Variants in AFF3 observed in about 807,000 individuals in gnomAD.
AFF3 encodes the protein ALF transcription elongation factor 3.
Under a neutral mutation model 129.7 loss-of-function variants are expected in AFF3, and 32 were observed. That is an observed-to-expected ratio of 0.25 (90% CI 0.19 to 0.33). The LOEUF is 0.33. Ranked by LOEUF, AFF3 falls within the 10% of genes least tolerant of loss-of-function variation. The pLI is 1.00. For missense variants in AFF3, 1,373 were observed against 1,592.0 expected (o/e 0.86, Z 2.34); for synonymous variants, 644 against 635.4 (o/e 1.01, Z -0.20).
intron 7 of AFF3, among the ~76,000 whole-genome samples, chr2:99,998,547 G>A (rs1461275224): frequency 4.6e-5 from 7 of 152,148 alleles, no homozygotes. Flanking sequence ...AGAAATAGCT[G>A]AATGCATACA....
intron 7 of AFF3, among the ~76,000 whole-genome samples, chr2:99,993,792 CTTTTTTTTTTTTTT>C (rs751882272): frequency 8.3e-5 from 6 of 72,546 alleles, no homozygotes; most frequent in Non-Finnish European, 1.5e-4. Flanking sequence ...AACACTTTAT[CTTTTTTTTTTTTTT>C]TTTTTTTTTT....
intron 12 of AFF3, among the ~76,000 whole-genome samples, chr2:99,656,455 G>A (rs1287176242): frequency 6.6e-6 from 1 of 152,176 alleles, no homozygotes; most frequent in Non-Finnish European, 1.5e-5. Context: ...AAACGCCCTT[G>A]CAGCCAATCT....
chr2:99,632,034 T>A (rs1157839493), intron 13 of AFF3, among the ~76,000 whole-genome samples: 1 of 147,848 alleles, frequency 6.8e-6, no homozygotes, highest in African/African-American at 2.5e-5. Flanking sequence ...TTTTTTTTTT[T>A]AGATAGAGTC....
chr2:99,569,441 T>G (rs1052132680), intron 18 of AFF3, among the ~76,000 whole-genome samples: 2 of 152,220 alleles, frequency 1.3e-5, no homozygotes, highest in African/African-American at 2.4e-5. Flanking sequence ...GAGGTAATGT[T>G]GGATGATTAC....
At chr2:99,672,616 A>T (rs952882368) in intron 11 of AFF3, 27 bp from the exon 12 acceptor site, 1 of 1,610,008 alleles carries the variant, frequency 6.2e-7, no homozygotes, top group African/African-American at 1.3e-5. Flanking sequence ...AGAGGTACAA[A>T]GAGGTACAGA....
chr2:99,953,400 C>A (rs753171772), intron 7 of AFF3, among the ~76,000 whole-genome samples: 1 of 152,148 alleles, frequency 6.6e-6, no homozygotes, highest in Non-Finnish European at 1.5e-5. Flanking sequence ...ACAGACTCAC[C>A]CCAACACTCA....
intron 7 of AFF3, among the ~76,000 whole-genome samples, chr2:99,920,542 T>C (rs1434379304): frequency 1.3e-5 from 2 of 152,066 alleles, no homozygotes; most frequent in Non-Finnish European, 1.5e-5. Flanking sequence ...AAACAAGGAA[T>C]AGCATTTTCT....
chr2:99,722,328 T>C (rs1024715521), intron 11 of AFF3, among the ~76,000 whole-genome samples: 3 of 152,254 alleles, frequency 2.0e-5, no homozygotes, highest in Non-Finnish European at 1.5e-5. Context: ...TAATGAACAC[T>C]GTAAATTTTG....
intron 7 of AFF3, among the ~76,000 whole-genome samples, chr2:99,992,592 T>G (rs1376163853): frequency 6.6e-6 from 1 of 152,216 alleles, no homozygotes; most frequent in African/African-American, 2.4e-5. Flanking sequence ...TAGAATGTTC[T>G]AAAACACTTG....
chr2:99,807,623 T>C (rs1686453605), intron 8 of AFF3, among the ~76,000 whole-genome samples: 1 of 152,210 alleles, frequency 6.6e-6, no homozygotes, highest in Non-Finnish European at 1.5e-5. Flanking sequence ...TGCCTTGACA[T>C]CTGGTAAAAT....
intron 13 of AFF3, among the ~76,000 whole-genome samples, chr2:99,634,118 T>C (rs2105421413): frequency 6.6e-6 from 1 of 152,246 alleles, no homozygotes; most frequent in African/African-American, 2.4e-5. Context: ...TTTCACCATG[T>C]TGGCCAGGCT....
At chr2:99,955,673 C>T (rs1676574677) in intron 7 of AFF3, among the ~76,000 whole-genome samples, 1 of 152,178 alleles carries the variant, frequency 6.6e-6, no homozygotes, top group African/African-American at 2.4e-5. Flanking sequence ...AAATAACATT[C>T]TGCAGAAAGA....
intron 20 of AFF3, among the ~76,000 whole-genome samples, chr2:99,563,124 G>C (rs1172465772): frequency 6.6e-6 from 1 of 152,102 alleles, no homozygotes; most frequent in Non-Finnish European, 1.5e-5. Flanking sequence ...GCCCTTCAGT[G>C]TCTCAGTAGG....
chr2:99,626,052 T>C (rs1575539329), intron 13 of AFF3, among the ~76,000 whole-genome samples: 3 of 152,348 alleles, frequency 2.0e-5, no homozygotes, highest in Admixed American at 2.0e-4. Context: ...GGGTCTTCAG[T>C]TCATCTGAGC....
At chr2:99,980,697 T>A (rs193118589) in intron 7 of AFF3, among the ~76,000 whole-genome samples, 1 of 152,260 alleles carries the variant, frequency 6.6e-6, no homozygotes, top group Admixed American at 6.5e-5. Context: ...TCAGTCACTG[T>A]ATTGTATTTA....
intron 7 of AFF3, among the ~76,000 whole-genome samples, chr2:100,000,670 T>C (rs1681315413): frequency 6.6e-6 from 1 of 152,208 alleles, no homozygotes; most frequent in Admixed American, 6.5e-5. Flanking sequence ...CTAAGCATAT[T>C]ACATACGTCT....
chr2:99,659,021 T>A (rs1685999695), intron 12 of AFF3, among the ~76,000 whole-genome samples: 1 of 152,258 alleles, frequency 6.6e-6, no homozygotes, highest in Non-Finnish European at 1.5e-5. Context: ...ATCCTTATTG[T>A]TGATCTTGGC....
At chr2:100,070,211 T>TA (rs11320849) in intron 4 of AFF3, among the ~76,000 whole-genome samples, 202 of 149,474 alleles carry the variant, frequency 1.4e-3, no homozygotes, top group Middle Eastern at 3.5e-3. Context: ...GGTGGTTTTA[T>TA]AAAAAAAAAA....
chr2:99,933,238 T>A (rs1674209274), intron 7 of AFF3, among the ~76,000 whole-genome samples: 1 of 152,140 alleles, frequency 6.6e-6, no homozygotes, highest in Non-Finnish European at 1.5e-5. Flanking sequence ...ATCAAAGACT[T>A]GGGGATTACT....
Sources: allele counts gnomAD v4.1 joint callset (sites outside exome capture counted in the v4.1 genomes callset), GRCh38; gene constraint gnomAD v4.1.1; transcripts MANE v1.5; gene names NCBI Gene and HGNC (gene_info 2026-07-23, HGNC 2026-07-21).